The following KCNK2 variants were observed in gnomAD, a reference collection of about 807,000 sequenced individuals.
KCNK2 encodes the protein potassium channel subfamily K member 2.
KCNK2 carries 21 observed loss-of-function variants against 40.5 expected under a neutral mutation model. The ratio of observed to expected loss-of-function variants is 0.52; its 90% CI spans 0.37 to 0.75. The LOEUF is 0.75. Among genes scored for constraint, KCNK2 ranks in the 30% least tolerant of loss-of-function variants. The probability of loss-of-function intolerance (pLI) is 0.00; values close to 1 mark genes in which losing one functional copy is unlikely to be tolerated. For synonymous variants in KCNK2, 191 were observed against 202.2 expected, an observed-to-expected ratio of 0.94 and a Z score of 0.47; for missense variants, 399 against 531.6, an observed-to-expected ratio of 0.75 and a Z score of 2.45.
intron 1 of KCNK2, among the ~76,000 whole-genome samples, chr1:215,009,121 T>C (rs2102468903): frequency 6.6e-6 from 1 of 152,262 alleles, no homozygotes; most frequent in East Asian, 1.9e-4. Context: ...GGGCTGAAAC[T>C]GTTCATCTTT....
At chr1:215,135,580 TA>T (rs562330132) in intron 3 of KCNK2, among the ~76,000 whole-genome samples, 1,668 of 150,002 alleles carry the variant, frequency 0.011, 31 homozygotes, top group African/African-American at 0.036. Flanking sequence ...ATATAAAAAT[TA>T]AAAAAAAAAT....
chr1:215,042,338 G>T (rs1025139233), intron 1 of KCNK2, among the ~76,000 whole-genome samples: 1 of 152,176 alleles, frequency 6.6e-6, no homozygotes, highest in African/African-American at 2.4e-5. Flanking sequence ...GTAGATGTGG[G>T]TTGCCCAGAC....
chr1:215,011,375 C>A lies in KCNK2; in HGVS notation c.34+5420C>A, dbSNP rs374196850. Reference sequence around the variant, plus strand: ...GTGGCACTGCCTTGGCTCACTGCATCCTCGACCTCCTGGGCTCAGGTGATT... The same window carrying A: ...GTGGCACTGCCTTGGCTCACTGCATACTCGACCTCCTGGGCTCAGGTGATT... On this transcript the variant is annotated intron_variant, in intron 1 of 6. Coordinates refer to the KCNK2 transcript ENST00000391895. 1.6e-4 allele frequency among the ~76,000 whole-genome samples: 24 copies of A among 152,236 alleles called. No individual in the cohort carries two copies. The East Asian group carries it at 4.6e-3, about 29-fold the overall frequency.
chr1:215,093,219 A>G (rs1227450991), intron 2 of KCNK2, among the ~76,000 whole-genome samples: 1 of 151,552 alleles, frequency 6.6e-6, no homozygotes, highest in African/African-American at 2.4e-5. Context: ...AAAAGATTTC[A>G]AGGATATTTA....
intron 1 of KCNK2, among the ~76,000 whole-genome samples, chr1:215,014,588 C>T (rs1656519090): frequency 6.6e-6 from 1 of 151,930 alleles, no homozygotes; most frequent in Admixed American, 6.6e-5. Context: ...AAGTGAAACA[C>T]ATAATTGATC....
At chr1:215,122,740 CTTTTTTTT>C (rs564207038) in intron 2 of KCNK2, among the ~76,000 whole-genome samples, 6 of 120,364 alleles carry the variant, frequency 5.0e-5, no homozygotes, top group African/African-American at 1.3e-4. Flanking sequence ...CATTCATAAT[CTTTTTTTT>C]TTTTTTTTTT....
At chr1:215,024,136 T>G (rs1039724476) in intron 1 of KCNK2, among the ~76,000 whole-genome samples, 5 of 152,232 alleles carry the variant, frequency 3.3e-5, no homozygotes, top group Non-Finnish European at 7.3e-5. Context: ...TATAGGGATC[T>G]GAGTGGAGCA....
intron 6 of KCNK2, among the ~76,000 whole-genome samples, chr1:215,210,003 T>TTTTATATAA (rs1424161291): frequency 0.037 from 2,482 of 67,902 alleles, 93 homozygotes; most frequent in South Asian, 0.11. Flanking sequence ...ATAATATATA[T>TTTTATATAA]TATATATAAT....
At chr1:215,196,683 T>C (rs544581266) in intron 6 of KCNK2, among the ~76,000 whole-genome samples, 22 of 152,136 alleles carry the variant, frequency 1.4e-4, no homozygotes, top group Non-Finnish European at 2.4e-4. Flanking sequence ...TGTGCGTGTG[T>C]GAGTGTGGTG....
intron 1 of KCNK2, among the ~76,000 whole-genome samples, chr1:215,018,194 C>A (rs193301826): frequency 5.6e-4 from 85 of 152,204 alleles, no homozygotes; most frequent in Middle Eastern, 6.8e-3. Context: ...AATAAATCTT[C>A]AGTATTAAAA....
At chr1:215,115,008 TGTGTG>T (rs1411248989) in intron 2 of KCNK2, among the ~76,000 whole-genome samples, 2 of 151,766 alleles carry the variant, frequency 1.3e-5, no homozygotes, top group African/African-American at 4.8e-5. Flanking sequence ...TGTGTGTGTG[TGTGTG>T]TGTGTGTGTG....
At chr1:215,010,860 T>TGTGTGTGTG (rs1553254938) in intron 1 of KCNK2, among the ~76,000 whole-genome samples, 15 of 116,062 alleles carry the variant, frequency 1.3e-4, no homozygotes, top group African/African-American at 5.2e-4. Context: ...GATTTTTTTT[T>TGTGTGTGTG]TTTTTTTTTG....
At chr1:215,179,804 T>A (rs1198653599) in intron 5 of KCNK2, among the ~76,000 whole-genome samples, 1 of 152,186 alleles carries the variant, frequency 6.6e-6, no homozygotes, top group Non-Finnish European at 1.5e-5. Context: ...TTCAGATATG[T>A]TCCATGTGCA....
chr1:215,117,553 A>G (rs1661000587), intron 2 of KCNK2, among the ~76,000 whole-genome samples: 1 of 152,130 alleles, frequency 6.6e-6, no homozygotes, highest in African/African-American at 2.4e-5. Flanking sequence ...TCATCAAAAC[A>G]CAAGTACTAT....
intron 1 of KCNK2, among the ~76,000 whole-genome samples, chr1:215,085,245 A>G (rs1659378382): frequency 6.6e-6 from 1 of 152,332 alleles, no homozygotes. Flanking sequence ...TGTAGCAATT[A>G]TGGACTTTAA....
intron 1 of KCNK2, among the ~76,000 whole-genome samples, chr1:215,084,533 T>C (rs1364875865): frequency 1.3e-5 from 2 of 152,214 alleles, no homozygotes; most frequent in South Asian, 2.1e-4. Context: ...ACTAAGCAGC[T>C]AGGAGGTTGT....
At chr1:215,157,134 T>C (rs1211373623) in intron 3 of KCNK2, among the ~76,000 whole-genome samples, 1 of 152,124 alleles carries the variant, frequency 6.6e-6, no homozygotes, top group African/African-American at 2.4e-5. Context: ...GAGATTTGGG[T>C]GGGGACACAG....
chr1:215,148,642 T>G (rs564261319), intron 3 of KCNK2, among the ~76,000 whole-genome samples: 12 of 152,270 alleles, frequency 7.9e-5, no homozygotes, highest in African/African-American at 2.9e-4. Flanking sequence ...TCCCAGAGAT[T>G]CTCTGCTCCC....
At chr1:215,013,023 G>T (rs1370385811) in intron 1 of KCNK2, among the ~76,000 whole-genome samples, 2 of 151,350 alleles carry the variant, frequency 1.3e-5, no homozygotes, top group African/African-American at 2.4e-5. Flanking sequence ...TTTACATTTA[G>T]GTCTATGATT....
Sources: gnomAD v4.1 joint callset for allele counts (sites outside exome capture counted in the v4.1 genomes callset) on GRCh38, gnomAD v4.1.1 for gene constraint, MANE v1.5 for transcripts, NCBI Gene and HGNC (gene_info 2026-07-23, HGNC 2026-07-21) for gene names.